Variants in PPARG observed in about 807,000 individuals in gnomAD.
PPARG encodes peroxisome proliferator activated receptor gamma.
A neutral mutation model predicts 39.2 loss-of-function variants in PPARG; 17 were observed. That is an observed-to-expected ratio of 0.43 (90% CI 0.30 to 0.65). The LOEUF (loss-of-function observed/expected upper bound fraction) is 0.65, where lower values mean the gene tolerates loss of function less well. Among genes scored for constraint, PPARG ranks in the 30% least tolerant of loss-of-function variants. PPARG has a pLI of 0.13. For synonymous variants in PPARG, 223 were observed against 215.7 expected, an observed-to-expected ratio of 1.03 and a Z score of -0.30; for missense variants, 406 against 585.9, an observed-to-expected ratio of 0.69 and a Z score of 3.17.
At chr3:12,342,215 G>A (rs7638903) in intron 2 of PPARG, among the ~76,000 whole-genome samples, 20,673 of 152,118 alleles carry the variant, frequency 0.14, 1,475 homozygotes, top group African/African-American at 0.18. Context: ...CACAGGGGAT[G>A]GAGAATCAAG....
intron 1 of PPARG, among the ~76,000 whole-genome samples, chr3:12,308,343 CAAAAAAA>C (rs57225468): frequency 1.1e-4 from 4 of 37,286 alleles, no homozygotes; most frequent in East Asian, 2.3e-3. Context: ...GACCCTGTCT[CAAAAAAA>C]AAAAAAAAAA....
At chr3:12,422,114 A>G (rs1237164199) in intron 7 of PPARG, among the ~76,000 whole-genome samples, 1 of 152,230 alleles carries the variant, frequency 6.6e-6, no homozygotes, top group Non-Finnish European at 1.5e-5. Flanking sequence ...ATTTGTTGGA[A>G]TTAAAGTAGA....
intron 2 of PPARG, among the ~76,000 whole-genome samples, chr3:12,363,522 T>TA (rs1304738708): frequency 6.6e-6 from 1 of 152,268 alleles, no homozygotes; most frequent in Admixed American, 6.5e-5. Flanking sequence ...CAACTCTGAG[T>TA]AAGAAAGTGG....
intron 2 of PPARG, among the ~76,000 whole-genome samples, chr3:12,364,770 C>T (rs1296656487): frequency 6.6e-6 from 1 of 152,194 alleles, no homozygotes; most frequent in African/African-American, 2.4e-5. Context: ...TTTTAGTTTG[C>T]AGTGCTCTCG....
intron 2 of PPARG, among the ~76,000 whole-genome samples, chr3:12,313,344 A>G (rs115527125): frequency 2.5e-4 from 38 of 152,318 alleles, no homozygotes; most frequent in East Asian, 1.2e-3. Context: ...GTGACTCCCC[A>G]GTAGCAAACT....
intron 1 of PPARG, among the ~76,000 whole-genome samples, chr3:12,308,973 G>A (rs1038744147): frequency 2.6e-5 from 4 of 152,136 alleles, no homozygotes; most frequent in Admixed American, 2.0e-4. Flanking sequence ...GAATTAAACC[G>A]AGAAGCAGAT....
intron 4 of PPARG, among the ~76,000 whole-genome samples, chr3:12,387,338 A>G (rs1378473645): frequency 6.6e-6 from 1 of 152,336 alleles, no homozygotes; most frequent in East Asian, 1.9e-4. Context: ...TTCCACCAAC[A>G]GTGTAAAAGC....
At position 12,390,425 on chromosome 3, in the gene PPARG, C is replaced by A. The variant is rs565853133; in HGVS notation, c.391-2189C>A. Among the ~76,000 whole-genome samples, 3 of 152,084 alleles carry A rather than the reference C, an allele frequency of 2.0e-5. No individual in the cohort carries two copies. The South Asian group carries it at 6.2e-4, about 32-fold the overall frequency. ...ATAGGTTAATAAATTATAGTATAGT[C>A]ATACAATGGAATACTATATAATTAT... On this transcript the variant is annotated intron_variant, in intron 4 of 7. Transcript: ENST00000651735.
At position 12,406,027 on chromosome 3, in the gene PPARG, G is replaced by T; in HGVS notation, c.675G>T (p.Pro225=). Residue 225 remains proline (P), a synonymous_variant, in exon 6 of 8, where the codon CCG becomes CCT. Transcript: ENST00000651735. ...HLYDSYIKSF[P]LTKAKARAIL... is the part of the protein sequence containing the mutation. ...ATGACTCATACATAAAGTCCTTCCC[G>T]CTGACCAAAGCAAAGGCGAGGGCGA... 6.2e-7 allele frequency: 1 copy of T among 1,614,110 alleles called. No homozygotes were observed. The highest frequency in any genetic ancestry group is 1.7e-5 in the Admixed American group (1 of 60,018).
intron 2 of PPARG, among the ~76,000 whole-genome samples, chr3:12,332,168 A>G (rs58102308): frequency 0.25 from 37,847 of 152,114 alleles, 4,838 homozygotes; most frequent in East Asian, 0.33. Context: ...CTAAATTTAA[A>G]TTTCTGCTTA....
intron 2 of PPARG, among the ~76,000 whole-genome samples, chr3:12,374,234 G>T (rs2049325013): frequency 6.6e-6 from 1 of 152,124 alleles, no homozygotes; most frequent in African/African-American, 2.4e-5. Context: ...GGAGTATGGG[G>T]TATGTTTGGG....
At chr3:12,377,110 G>T (rs1442002998) in intron 2 of PPARG, among the ~76,000 whole-genome samples, 1 of 152,112 alleles carries the variant, frequency 6.6e-6, no homozygotes, top group Non-Finnish European at 1.5e-5. Context: ...TGGCTCACAA[G>T]TTCACATGAA....
At chr3:12,404,841 C>T (rs1181816531) in intron 5 of PPARG, among the ~76,000 whole-genome samples, 1 of 152,160 alleles carries the variant, frequency 6.6e-6, no homozygotes, top group East Asian at 1.9e-4. Context: ...TCTCTTTGTT[C>T]TGGGATTCAG....
At chr3:12,403,852 T>A (rs539557452) in intron 5 of PPARG, among the ~76,000 whole-genome samples, 26 of 152,318 alleles carry the variant, frequency 1.7e-4, no homozygotes, top group Non-Finnish European at 3.5e-4. Context: ...CAAAATACAG[T>A]AGACAAGGAC....
chr3:12,293,750 A>G (rs1335316279), intron 1 of PPARG, among the ~76,000 whole-genome samples: 4 of 152,170 alleles, frequency 2.6e-5, no homozygotes, highest in Admixed American at 6.5e-5. Context: ...GAATGGAAAG[A>G]GGTTACTTTT....
intron 2 of PPARG, among the ~76,000 whole-genome samples, chr3:12,377,001 T>C (rs1381398974): frequency 6.6e-6 from 1 of 152,188 alleles, no homozygotes; most frequent in Non-Finnish European, 1.5e-5. Context: ...TTAAAATACC[T>C]ATGACTGCTT....
At position 12,321,374 on chromosome 3, in the gene PPARG, C is replaced by T. The variant is rs578021807; in HGVS notation, c.-9+8921C>T. On this transcript the variant is annotated intron_variant, in intron 2 of 7. Transcript: ENST00000651735. ...GACTTTGGAATAAAAGTAATAGCAA[C>T]AGCAAATGAGAGTCTAAGAATAATT... is the stretch of plus-strand genomic sequence containing the variant. Among the ~76,000 whole-genome samples, 4 of 152,288 alleles carry T rather than the reference C, an allele frequency of 2.6e-5. No homozygotes were observed. The South Asian group carries it at 8.3e-4, about 32-fold the overall frequency.
chr3:12,349,685 A>G (rs982522929), intron 2 of PPARG, among the ~76,000 whole-genome samples: 3 of 152,228 alleles, frequency 2.0e-5, no homozygotes, highest in African/African-American at 7.2e-5. Flanking sequence ...AATGCATGAA[A>G]TGTAATGAGT....
chr3:12,402,932 C>A (rs896649956), intron 5 of PPARG, among the ~76,000 whole-genome samples: 2 of 152,166 alleles, frequency 1.3e-5, no homozygotes, highest in Non-Finnish European at 2.9e-5. Flanking sequence ...CCTACACATA[C>A]CCTCCTGTAT....
Sources: allele counts gnomAD v4.1 joint callset (sites outside exome capture counted in the v4.1 genomes callset), GRCh38; gene constraint gnomAD v4.1.1; transcripts MANE v1.5; gene names NCBI Gene and HGNC (gene_info 2026-07-23, HGNC 2026-07-21).